NEGR1: variants seen among roughly 807,000 people sequenced by gnomAD.
The protein encoded by NEGR1 is neuronal growth regulator 1.
Under a neutral mutation model 40.9 loss-of-function variants are expected in NEGR1, and 10 were observed. The ratio of observed to expected loss-of-function variants is 0.24; its 90% CI spans 0.15 to 0.42. The LOEUF is 0.42. Among genes scored for constraint, NEGR1 ranks in the 10% least tolerant of loss-of-function variants. NEGR1 has a pLI of 1.00. For synonymous variants in NEGR1, 185 were observed against 166.8 expected (o/e 1.11, Z -0.84); for missense variants, 352 against 438.9 (o/e 0.80, Z 1.77).
chr1:71,856,096 A>C (rs1270084927), intron 2 of NEGR1, among the ~76,000 whole-genome samples: 5 of 152,032 alleles, frequency 3.3e-5, no homozygotes, highest in Non-Finnish European at 5.9e-5. Flanking sequence ...GAAAAAATGT[A>C]GATATTTATT....
chr1:71,609,513 T>TAAAAAAAA, intron 5 of NEGR1, among the ~76,000 whole-genome samples: 1 of 4,196 alleles, frequency 2.4e-4, no homozygotes, highest in Non-Finnish European at 7.1e-4. Flanking sequence ...AGACTCCGTC[T>TAAAAAAAA]CAAAAAAAAA....
At chr1:72,278,966 TTAAA>T (rs1304107788) in intron 1 of NEGR1, among the ~76,000 whole-genome samples, 1 of 152,094 alleles carries the variant, frequency 6.6e-6, no homozygotes, top group Non-Finnish European at 1.5e-5. Flanking sequence ...ATCTGTATCA[TTAAA>T]TACTTTATCA....
chr1:71,658,209 T>C (rs1376288861), intron 4 of NEGR1, among the ~76,000 whole-genome samples: 2 of 152,192 alleles, frequency 1.3e-5, no homozygotes, highest in Admixed American at 1.3e-4. Context: ...TATCACTAAA[T>C]CCAAAATACT....
At chr1:71,716,765 A>G (rs1345816299) in intron 3 of NEGR1, among the ~76,000 whole-genome samples, 1 of 152,086 alleles carries the variant, frequency 6.6e-6, no homozygotes, top group Non-Finnish European at 1.5e-5. Flanking sequence ...TTTGGATTTT[A>G]TGATTATTTT....
intron 2 of NEGR1, among the ~76,000 whole-genome samples, chr1:71,921,983 G>A (rs79283677): frequency 0.12 from 18,463 of 151,940 alleles, 1,174 homozygotes; most frequent in South Asian, 0.18. Flanking sequence ...TTTTACATAC[G>A]TGATGAAAGT....
chr1:72,264,271 A>C (rs993198133), intron 1 of NEGR1, among the ~76,000 whole-genome samples: 7 of 151,272 alleles, frequency 4.6e-5, no homozygotes, highest in African/African-American at 1.5e-4. Context: ...GCCTGTGTTT[A>C]TTCATTTGTA....
intron 2 of NEGR1, among the ~76,000 whole-genome samples, chr1:71,930,345 C>A (rs1645843394): frequency 6.6e-6 from 1 of 152,066 alleles, no homozygotes; most frequent in South Asian, 2.1e-4. Context: ...TAAGTTTTAA[C>A]CTATGAACTA....
intron 1 of NEGR1, among the ~76,000 whole-genome samples, chr1:71,937,484 T>C (rs565768688): frequency 2.0e-5 from 3 of 152,294 alleles, no homozygotes; most frequent in Admixed American, 1.3e-4. Context: ...TGTTTTTCTA[T>C]TGCGTGTTCA....
rs190084172 is a variant in NEGR1 at position 72,080,371 on chromosome 1, A to G, written c.177-145060T>C. Among the ~76,000 whole-genome samples, 105 of 152,186 alleles carry G rather than the reference A, an allele frequency of 6.9e-4. 2 individuals are homozygous for G. Among genetic ancestry groups the G allele is most frequent in the Admixed American group, 6.8e-3 (104 of 15,264 alleles). On this transcript the variant is annotated intron_variant, in intron 1 of 6. Coordinates refer to ENST00000357731, the MANE Select transcript of NEGR1 (RefSeq NM_173808.3). ...TTCCAGAAATATATCTTCCAGATTTATCGTATTATTTAATGATTTTTATGT... is the reference window on the plus strand; with the variant it reads ...TTCCAGAAATATATCTTCCAGATTTGTCGTATTATTTAATGATTTTTATGT...
chr1:71,450,078 C>A (rs554851891), intron 6 of NEGR1, among the ~76,000 whole-genome samples: 1 of 151,598 alleles, frequency 6.6e-6, no homozygotes, highest in Admixed American at 6.6e-5. Flanking sequence ...GCAACCTCCA[C>A]CTCCTGGGTT....
intron 1 of NEGR1, among the ~76,000 whole-genome samples, chr1:71,949,444 G>C (rs1264991281): frequency 6.6e-6 from 1 of 152,090 alleles, no homozygotes; most frequent in Admixed American, 6.6e-5. Context: ...TTTTCATTGT[G>C]AAGTGTAGTA....
intron 6 of NEGR1, among the ~76,000 whole-genome samples, chr1:71,544,164 G>A (rs893483243): frequency 2.0e-5 from 3 of 151,590 alleles, no homozygotes; most frequent in Admixed American, 1.3e-4. Flanking sequence ...TGCTGAAATA[G>A]TATATGTTTT....
intron 1 of NEGR1, among the ~76,000 whole-genome samples, chr1:72,010,626 A>C (rs1255879461): frequency 6.1e-4 from 74 of 122,036 alleles, no homozygotes; most frequent in Admixed American, 1.7e-3. Context: ...CCCTTTCTCC[A>C]CTCTCCCACC....
chr1:71,940,785 C>T (rs79959153), intron 1 of NEGR1, among the ~76,000 whole-genome samples: 3,505 of 152,054 alleles, frequency 0.023, 120 homozygotes, highest in African/African-American at 0.08. Flanking sequence ...GAGAGTGTAG[C>T]GAAAAATAGC....
intron 2 of NEGR1, among the ~76,000 whole-genome samples, chr1:71,855,724 C>CACCTTAAATTTTAATTA (rs1300938009): frequency 8.7e-5 from 13 of 149,890 alleles, no homozygotes; most frequent in African/African-American, 2.7e-4. Flanking sequence ...GTGCTCAAAG[C>CACCTTAAATTTTAATTA]ATTTTAGAGA....
At chr1:72,264,633 T>C (rs1234176242) in intron 1 of NEGR1, among the ~76,000 whole-genome samples, 1 of 150,714 alleles carries the variant, frequency 6.6e-6, no homozygotes, top group Non-Finnish European at 1.5e-5. Flanking sequence ...AAATAACATA[T>C]ATATGGAAAC....
At chr1:71,619,743 T>C (rs1650553297) in intron 4 of NEGR1, among the ~76,000 whole-genome samples, 1 of 152,066 alleles carries the variant, frequency 6.6e-6, no homozygotes, top group Admixed American at 6.6e-5. Context: ...TCCTTTCTAA[T>C]TTGCTCAGTG....
intron 1 of NEGR1, among the ~76,000 whole-genome samples, chr1:71,939,941 GT>G (rs1423089044): frequency 6.6e-6 from 1 of 152,118 alleles, no homozygotes; most frequent in Admixed American, 6.5e-5. Flanking sequence ...GTACTGGCAG[GT>G]TGTGATTGAA....
In NEGR1 at chr1:71,515,598, C is replaced by T. The variant is rs1265549737; in HGVS notation, c.940+77219G>A. On this transcript the variant is annotated intron_variant, in intron 6 of 6. Transcript: ENST00000357731. ...AGCGCTAAACATGGAAAGGAACAAC[C>T]GGTACCAGCCACTGCAAAATCATGC... is the stretch of plus-strand genomic sequence containing the variant. 2.1e-3 allele frequency among the ~76,000 whole-genome samples: 133 copies of T among 64,548 alleles called. 1 individual carries two copies. The highest frequency in any genetic ancestry group is 0.011 in the African/African-American group (128 of 11,480). 42.3% of individuals were successfully genotyped at this position (64,548 alleles called of 152,430 possible). A position where few individuals can be genotyped will look rare whatever the true frequency, so the allele number is the denominator to read the frequency against.
Sources: gnomAD v4.1 joint callset for allele counts (sites outside exome capture counted in the v4.1 genomes callset) on GRCh38, gnomAD v4.1.1 for gene constraint, MANE v1.5 for transcripts, NCBI Gene and HGNC (gene_info 2026-07-23, HGNC 2026-07-21) for gene names.